Variants in RAPGEF5 observed in about 807,000 individuals in gnomAD.
RAPGEF5 encodes the protein M-Ras-regulated GEF.
A neutral mutation model predicts 125.2 loss-of-function variants in RAPGEF5; 65 were observed. The observed-to-expected ratio is 0.52, with a 90% confidence interval of 0.43 to 0.64. The LOEUF (loss-of-function observed/expected upper bound fraction) is 0.64, where lower values mean the gene tolerates loss of function less well. Among genes scored for constraint, RAPGEF5 ranks in the 30% least tolerant of loss-of-function variants. The pLI, the probability that RAPGEF5 is intolerant of heterozygous loss-of-function variation, is 0.00. For synonymous variants in RAPGEF5, 391 were observed against 385.9 expected, an observed-to-expected ratio of 1.01 and a Z score of -0.16; for missense variants, 958 against 1,048.1, an observed-to-expected ratio of 0.91 and a Z score of 1.19.
intron 3 of RAPGEF5, among the ~76,000 whole-genome samples, chr7:22,311,830 G>A (rs1476345240): frequency 1.3e-5 from 2 of 152,204 alleles, no homozygotes; most frequent in Non-Finnish European, 2.9e-5. Context: ...AAGGTTCAAA[G>A]TGTTAATTAA....
At chr7:22,152,555 C>T (rs1403800149) in intron 17 of RAPGEF5, among the ~76,000 whole-genome samples, 6 of 152,088 alleles carry the variant, frequency 3.9e-5, no homozygotes, top group Admixed American at 2.0e-4. Context: ...TTACTACATA[C>T]GTATAACTAC....
At chr7:22,232,402 A>C (rs1583501720) in intron 7 of RAPGEF5, among the ~76,000 whole-genome samples, 1 of 146,386 alleles carries the variant, frequency 6.8e-6, no homozygotes, top group Non-Finnish European at 1.5e-5. Context: ...TGCAACCTCC[A>C]CCTCCCGGGT....
chr7:22,193,877 G>C (rs746576455), intron 10 of RAPGEF5, 38 bp downstream of exon 10: 4 of 1,612,118 alleles, frequency 2.5e-6, no homozygotes, highest in South Asian at 2.2e-5. Flanking sequence ...AAAAGGAAAC[G>C]GGAGCGCGTG....
At chr7:22,186,762 A>G (rs1158821361) in intron 11 of RAPGEF5, among the ~76,000 whole-genome samples, 1 of 152,214 alleles carries the variant, frequency 6.6e-6, no homozygotes, top group African/African-American at 2.4e-5. Context: ...CTAAAAGTTA[A>G]GGAATTGCCA....
At chr7:22,331,934 CT>C (rs1308819523) in intron 1 of RAPGEF5, among the ~76,000 whole-genome samples, 2 of 151,958 alleles carry the variant, frequency 1.3e-5, no homozygotes, top group Admixed American at 6.6e-5. Flanking sequence ...AATGGAAAAA[CT>C]TAGAACATCA....
At chr7:22,160,417 A>C in intron 14 of RAPGEF5, 101 bp downstream of exon 14, 1 of 1,146,418 alleles carries the variant, frequency 8.7e-7, no homozygotes, top group Non-Finnish European at 1.2e-6. Flanking sequence ...ATCTGAGTCA[A>C]AATGTTCAAA....
intron 9 of RAPGEF5, among the ~76,000 whole-genome samples, chr7:22,212,045 C>T (rs1236524143): frequency 6.6e-6 from 1 of 150,908 alleles, no homozygotes; most frequent in Non-Finnish European, 1.5e-5. Context: ...CGGCTCACCA[C>T]AAGCACCGCC....
intron 20 of RAPGEF5, among the ~76,000 whole-genome samples, chr7:22,143,933 A>C (rs1783346651): frequency 6.6e-6 from 1 of 152,250 alleles, no homozygotes; most frequent in Non-Finnish European, 1.5e-5. Flanking sequence ...CTGTACATGT[A>C]AGTGATCAAT....
intron 1 of RAPGEF5, among the ~76,000 whole-genome samples, chr7:22,329,454 C>A (rs1466733347): frequency 1.3e-5 from 2 of 152,192 alleles, no homozygotes; most frequent in South Asian, 2.1e-4. Flanking sequence ...GGATTCCCCC[C>A]ACTCTGGTTC....
rs564004811 is a variant in RAPGEF5 at position 22,152,329 on chromosome 7, C to T, written c.1787-1825G>A. ...TTCCATCTGCTCCTTCTTTGTTCAG[C>T]TATAATTTCTTGCAGCCCTTTCTGT... On this transcript the variant is annotated intron_variant, in intron 17 of 25. Coordinates refer to ENST00000665637, the MANE Select transcript of RAPGEF5 (RefSeq NM_012294.5). Among the ~76,000 whole-genome samples the T allele has an allele frequency of 2.6e-5, 4 of 152,276 alleles. No individual in the cohort carries two copies. In the East Asian group the frequency reaches 5.8e-4, roughly 22 times the overall value.
At chr7:22,166,614 G>T (rs1026186794) in intron 12 of RAPGEF5, among the ~76,000 whole-genome samples, 19 of 152,198 alleles carry the variant, frequency 1.2e-4, no homozygotes, top group African/African-American at 4.6e-4. Context: ...CCTCCCATGT[G>T]GGGGAATGGC....
chr7:22,353,176 T>C (rs1410588364), intron 1 of RAPGEF5, among the ~76,000 whole-genome samples: 2 of 152,146 alleles, frequency 1.3e-5, no homozygotes, highest in Non-Finnish European at 1.5e-5. Flanking sequence ...GTCCAGACAG[T>C]AGGATGTTCT....
intron 8 of RAPGEF5, among the ~76,000 whole-genome samples, chr7:22,222,897 A>G (rs1330862791): frequency 6.6e-6 from 1 of 152,056 alleles, no homozygotes; most frequent in African/African-American, 2.4e-5. Flanking sequence ...ATATATTTCA[A>G]AGGTAGAGCC....
intron 16 of RAPGEF5, 27 bp downstream of exon 16, chr7:22,156,783 C>A: frequency 1.9e-6 from 3 of 1,613,128 alleles, no homozygotes; most frequent in South Asian, 2.2e-5. Flanking sequence ...TGCCCACCCC[C>A]AAACCCTCAC....
intron 1 of RAPGEF5, among the ~76,000 whole-genome samples, chr7:22,328,700 C>T (rs953513331): frequency 6.6e-5 from 10 of 152,176 alleles, no homozygotes; most frequent in African/African-American, 4.8e-5. Flanking sequence ...TGTAATACCA[C>T]CACTTGACAA....
chr7:22,227,796 C>G (rs952701130), intron 8 of RAPGEF5, among the ~76,000 whole-genome samples: 1 of 152,192 alleles, frequency 6.6e-6, no homozygotes, highest in African/African-American at 2.4e-5. Context: ...GAGCCATGAT[C>G]GTGCCACTGC....
At chr7:22,245,637 A>G (rs547292884) in intron 7 of RAPGEF5, among the ~76,000 whole-genome samples, 1 of 152,090 alleles carries the variant, frequency 6.6e-6, no homozygotes, top group African/African-American at 2.4e-5. Context: ...ATAAAAGTAC[A>G]TGTATTTTGA....
At chr7:22,327,661 C>T (rs1783839661) in intron 1 of RAPGEF5, among the ~76,000 whole-genome samples, 1 of 152,220 alleles carries the variant, frequency 6.6e-6, no homozygotes. Context: ...TGTCCTTGGA[C>T]AAGTTATTTA....
At chr7:22,138,839 G>A (rs572959408) in intron 21 of RAPGEF5, among the ~76,000 whole-genome samples, 1 of 152,260 alleles carries the variant, frequency 6.6e-6, no homozygotes, top group East Asian at 1.9e-4. Flanking sequence ...TTCATTCAAG[G>A]TTTAATTCAA....
Sources: gnomAD v4.1 joint callset for allele counts (sites outside exome capture counted in the v4.1 genomes callset) on GRCh38, gnomAD v4.1.1 for gene constraint, MANE v1.5 for transcripts, NCBI Gene and HGNC (gene_info 2026-07-23, HGNC 2026-07-21) for gene names.